ELF1: variants seen among roughly 807,000 people sequenced by gnomAD.
ELF1 encodes the protein E74 like ETS transcription factor 1, also known as ETS-related transcription factor Elf-1.
ELF1 carries 24 observed loss-of-function variants against 59.9 expected under a neutral mutation model. That is an observed-to-expected ratio of 0.40 (90% CI 0.29 to 0.56). The LOEUF (loss-of-function observed/expected upper bound fraction) is 0.56. ELF1 is among the 20% of genes least tolerant of loss of function. The pLI, the probability that ELF1 is intolerant of heterozygous loss-of-function variation, is 0.44. For missense variants in ELF1, 627 were observed against 742.2 expected (o/e 0.84, Z 1.80); for synonymous variants, 248 against 266.2 (o/e 0.93, Z 0.67).
intron 2 of ELF1, among the ~76,000 whole-genome samples, chr13:40,976,732 G>A (rs1022542160): frequency 2.6e-5 from 4 of 152,046 alleles, no homozygotes; most frequent in African/African-American, 4.8e-5. Flanking sequence ...TAGAGATGGG[G>A]TTTCTCCATG....
intron 2 of ELF1, among the ~76,000 whole-genome samples, chr13:40,974,585 C>T (rs1211660499): frequency 6.6e-6 from 1 of 152,156 alleles, no homozygotes; most frequent in Non-Finnish European, 1.5e-5. Context: ...GCTCACTAAA[C>T]ACTAGCTACT....
chr13:40,984,114 C>G (rs889557529), intron 1 of ELF1, among the ~76,000 whole-genome samples: 2 of 152,072 alleles, frequency 1.3e-5, no homozygotes, highest in Non-Finnish European at 2.9e-5. Flanking sequence ...GTTTGAGTAC[C>G]AATTATTTGC....
intron 1 of ELF1, among the ~76,000 whole-genome samples, chr13:40,995,393 G>A (rs1422322296): frequency 6.6e-6 from 1 of 152,172 alleles, no homozygotes; most frequent in Non-Finnish European, 1.5e-5. Context: ...ATGGTAGTCA[G>A]ATTTGTAAGA....
At chr13:41,043,383 C>T (rs1254037294) in intron 1 of ELF1, among the ~76,000 whole-genome samples, 4 of 152,124 alleles carry the variant, frequency 2.6e-5, no homozygotes, top group Non-Finnish European at 5.9e-5. Flanking sequence ...CTTGCCCATG[C>T]CTATGTCCTG....
At chr13:41,024,224 T>A (rs1328686857), upstream of ELF1, among the ~76,000 whole-genome samples, 2 of 152,202 alleles carry the variant, frequency 1.3e-5, no homozygotes, top group Non-Finnish European at 2.9e-5. Context: ...TGAAGACACA[T>A]GCCAACTCCT....
intron 1 of ELF1, among the ~76,000 whole-genome samples, chr13:41,058,496 A>G (rs575264865): frequency 7.2e-5 from 11 of 152,334 alleles, no homozygotes; most frequent in African/African-American, 2.6e-4. Flanking sequence ...TTGCCTTACC[A>G]TATTCTACGT....
exon 1 of ELF1, chr13:41,060,846 C>T (rs939712960): frequency 9.9e-6 from 3 of 302,648 alleles, no homozygotes; most frequent in Non-Finnish European, 1.3e-5. Flanking sequence ...ACCTGACAAG[C>T]ATAAGTGCCT....
chr13:41,049,182 C>G (rs1027147376), intron 1 of ELF1, among the ~76,000 whole-genome samples: 5 of 152,172 alleles, frequency 3.3e-5, no homozygotes, highest in African/African-American at 1.2e-4. Flanking sequence ...TCTCCCAAGT[C>G]AAGTATCAAT....
intron 1 of ELF1, among the ~76,000 whole-genome samples, chr13:41,004,560 T>C (rs999561449): frequency 1.3e-5 from 2 of 152,258 alleles, no homozygotes; most frequent in East Asian, 3.9e-4. Context: ...CCTCTATAAC[T>C]TTCCATTTCA....
rs151088550 is a variant in ELF1 at position 40,982,004 on chromosome 13, G to A, written c.51C>T (p.Asn17=). 14 of 1,608,862 alleles carry A rather than the reference G, an allele frequency of 8.7e-6. No individual in the cohort carries two copies. Among genetic ancestry groups the A allele is most frequent in the African/African-American group, 2.7e-5 (2 of 74,572 alleles). Residue 17 remains asparagine, a synonymous_variant, in exon 2 of 9, where the codon AAC becomes AAT. Transcript: ENST00000239882. The part of the protein sequence containing the change: ...QNDLVFEFAS[N]VMEDERQLGD... ...ATACCTGTCGTTCATCCTCCATGAC[G>A]TTACTAGCAAATTCAAATACTAGGT...
intron 1 of ELF1, among the ~76,000 whole-genome samples, chr13:41,052,072 T>A (rs545688912): frequency 3.9e-5 from 6 of 151,908 alleles, no homozygotes; most frequent in African/African-American, 1.4e-4. Flanking sequence ...TTCAAGTAGC[T>A]GAGATTACAG....
chr13:40,964,370 C>T (rs1872044305), intron 2 of ELF1, among the ~76,000 whole-genome samples: 1 of 152,152 alleles, frequency 6.6e-6, no homozygotes, highest in Admixed American at 6.5e-5. Flanking sequence ...GGCTAAAAGT[C>T]TGAAATCAAG....
intron 2 of ELF1, among the ~76,000 whole-genome samples, chr13:40,963,223 T>C (rs752237891): frequency 1.3e-5 from 2 of 152,226 alleles, no homozygotes; most frequent in Non-Finnish European, 2.9e-5. Flanking sequence ...TTATACACTA[T>C]TGTAGTCAGC....
chr13:40,956,570 TCA>T (rs1491290887), intron 3 of ELF1, among the ~76,000 whole-genome samples: 16 of 23,550 alleles, frequency 6.8e-4, no homozygotes, highest in African/African-American at 3.1e-3. Flanking sequence ...CCAAGAATGA[TCA>T]AAAAAAAAAA....
Position 40,965,419 on chromosome 13 carries a change from C to A in ELF1, c.73-6403G>T, listed in dbSNP as rs142866677. Reference sequence around the variant, plus strand: ...GGTGGATCACCTGAGGTCAGGAGTTCGAGACCAGCCTGGCCAACATGAAGA... The same window carrying A: ...GGTGGATCACCTGAGGTCAGGAGTTAGAGACCAGCCTGGCCAACATGAAGA... On this transcript the variant is annotated intron_variant, in intron 2 of 8. Transcript: ENST00000239882. Among the ~76,000 whole-genome samples, 431 of 152,152 alleles carry A rather than the reference C, an allele frequency of 2.8e-3. 1 individual carries two copies. The highest frequency in any genetic ancestry group is 9.9e-3 in the African/African-American group (410 of 41,522).
At chr13:40,955,025 A>C (rs1871144938) in intron 3 of ELF1, among the ~76,000 whole-genome samples, 2 of 141,302 alleles carry the variant, frequency 1.4e-5, no homozygotes, top group African/African-American at 5.4e-5. Context: ...CAGGCTGCCC[A>C]TCGTCTGAGA....
intron 1 of ELF1, among the ~76,000 whole-genome samples, chr13:40,984,108 G>A (rs1873430884): frequency 6.6e-6 from 1 of 152,170 alleles, no homozygotes; most frequent in South Asian, 2.1e-4. Context: ...ATACATGTTT[G>A]AGTACCAATT....
In ELF1 at chr13:40,962,694, A is replaced by G. The variant is rs9562255; in HGVS notation, c.73-3678T>C. ...AAGACTGTCTCAAAAAAAAAAAAAA[A>G]AAGAAGAAGAAGAATGAAAAGAGAC... On this transcript the variant is annotated intron_variant, in intron 2 of 8. Transcript: ENST00000239882. 3.0e-3 allele frequency among the ~76,000 whole-genome samples: 459 copies of G among 151,774 alleles called. 4 individuals are homozygous for G. In the East Asian group the frequency reaches 0.048, roughly 16 times the overall value.
At chr13:40,975,901 G>A (rs914304597) in intron 2 of ELF1, among the ~76,000 whole-genome samples, 5 of 152,064 alleles carry the variant, frequency 3.3e-5, no homozygotes, top group Non-Finnish European at 7.4e-5. Context: ...AAAGGCTTTG[G>A]TAATATTAAG....
Sources: allele counts gnomAD v4.1 joint callset (sites outside exome capture counted in the v4.1 genomes callset), GRCh38; gene constraint gnomAD v4.1.1; transcripts MANE v1.5; gene names NCBI Gene and HGNC (gene_info 2026-07-23, HGNC 2026-07-21).